Variants in LHFPL3 observed in about 807,000 individuals in gnomAD.
LHFPL3 encodes the protein LHFPL tetraspan subfamily member 3, also known as LHFPL tetraspan subfamily member 3 protein.
A neutral mutation model predicts 19.3 loss-of-function variants in LHFPL3; 5 were observed. The ratio of observed to expected loss-of-function variants is 0.26; its 90% CI spans 0.14 to 0.54. The LOEUF (loss-of-function observed/expected upper bound fraction) is 0.54. Among genes scored for constraint, LHFPL3 ranks in the 20% least tolerant of loss-of-function variants. The pLI, the probability that LHFPL3 is intolerant of heterozygous loss-of-function variation, is 0.94. For synonymous variants in LHFPL3, 133 were observed against 126.2 expected, an observed-to-expected ratio of 1.05 and a Z score of -0.36; for missense variants, 249 against 307.4, an observed-to-expected ratio of 0.81 and a Z score of 1.42.
At chr7:104,669,057 G>A in intron 1 of LHFPL3, 5 of 1,612,300 alleles carry the variant, frequency 3.1e-6, no homozygotes, top group East Asian at 2.2e-5. Flanking sequence ...ATGCATGAAG[G>A]AGAGAGAGTG....
intron 2 of LHFPL3, among the ~76,000 whole-genome samples, chr7:104,835,515 T>G (rs1258737801): frequency 6.6e-6 from 1 of 151,838 alleles, no homozygotes; most frequent in African/African-American, 2.4e-5. Context: ...ACCTACTATG[T>G]GCTAGGCACA....
chr7:104,738,017 A>G (rs1230011301), intron 2 of LHFPL3, among the ~76,000 whole-genome samples: 1 of 152,206 alleles, frequency 6.6e-6, no homozygotes, highest in Non-Finnish European at 1.5e-5. Flanking sequence ...AAACTATGAC[A>G]TAGAAATAGT....
intron 2 of LHFPL3, among the ~76,000 whole-genome samples, chr7:104,898,006 C>CTTTTTTTTTTTTT (rs71155536): frequency 1.7e-4 from 16 of 96,810 alleles, no homozygotes; most frequent in East Asian, 3.2e-4. Flanking sequence ...AATGTCACCC[C>CTTTTTTTTTTTTT]TTTTTTTTTT....
chr7:104,715,152 T>A (rs540661306), intron 1 of LHFPL3, among the ~76,000 whole-genome samples: 1 of 152,012 alleles, frequency 6.6e-6, no homozygotes, highest in Non-Finnish European at 1.5e-5. Flanking sequence ...AATAAAAAAA[T>A]AAGCTAGGAA....
chr7:104,639,510 A>T (rs139682837), intron 1 of LHFPL3, among the ~76,000 whole-genome samples: 83 of 152,250 alleles, frequency 5.5e-4, no homozygotes, highest in African/African-American at 1.9e-3. Flanking sequence ...ATACATCTTT[A>T]AAAAATGCCA....
At chr7:104,465,934 G>A (rs1401295389) in intron 1 of LHFPL3, among the ~76,000 whole-genome samples, 1 of 152,148 alleles carries the variant, frequency 6.6e-6, no homozygotes, top group Non-Finnish European at 1.5e-5. Flanking sequence ...TGATCTGAGG[G>A]TATGTTTGGT....
chr7:104,329,342 G>T (rs1801526278), intron 1 of LHFPL3, 118 bp downstream of exon 1: 3 of 1,340,228 alleles, frequency 2.2e-6, no homozygotes, highest in South Asian at 1.5e-5. Flanking sequence ...CGCCTAATCC[G>T]CTCAGGCGTC....
At chr7:104,747,964 G>A (rs990987193) in intron 2 of LHFPL3, among the ~76,000 whole-genome samples, 5 of 152,122 alleles carry the variant, frequency 3.3e-5, no homozygotes, top group Non-Finnish European at 5.9e-5. Context: ...CTGTGTCTGT[G>A]TAGAAAGAAG....
chr7:104,583,535 G>C (rs1790504319), intron 1 of LHFPL3, among the ~76,000 whole-genome samples: 1 of 152,154 alleles, frequency 6.6e-6, no homozygotes, highest in East Asian at 1.9e-4. Context: ...CCTACAGAAT[G>C]GGGTAAAATT....
At chr7:104,755,435 A>C (rs1794263931) in intron 2 of LHFPL3, among the ~76,000 whole-genome samples, 1 of 152,178 alleles carries the variant, frequency 6.6e-6, no homozygotes, top group African/African-American at 2.4e-5. Flanking sequence ...ATTGACTAGA[A>C]AAAGTGAACA....
At chr7:104,550,011 GTTAC>G (rs757154667) in intron 1 of LHFPL3, among the ~76,000 whole-genome samples, 3 of 152,110 alleles carry the variant, frequency 2.0e-5, no homozygotes, top group African/African-American at 7.2e-5. Context: ...GGCTCACACA[GTTAC>G]GGAGGCTGAA....
chr7:104,673,523 A>T (rs1012333563), intron 1 of LHFPL3, among the ~76,000 whole-genome samples: 4 of 152,216 alleles, frequency 2.6e-5, no homozygotes, highest in African/African-American at 7.2e-5. Context: ...GACTACATGA[A>T]ATCTGACCTC....
At chr7:104,394,926 C>A (rs2116480551) in intron 1 of LHFPL3, among the ~76,000 whole-genome samples, 1 of 152,052 alleles carries the variant, frequency 6.6e-6, no homozygotes, top group African/African-American at 2.4e-5. Context: ...GTCTCGAACT[C>A]CTGACTTTGT....
chr7:104,387,738 A>T (rs926394151), intron 1 of LHFPL3, among the ~76,000 whole-genome samples: 3 of 152,212 alleles, frequency 2.0e-5, no homozygotes, highest in Non-Finnish European at 4.4e-5. Flanking sequence ...AGTAGGATAA[A>T]CTCAGAAGTC....
intron 2 of LHFPL3, among the ~76,000 whole-genome samples, chr7:104,743,442 C>A (rs900311796): frequency 6.6e-6 from 1 of 152,188 alleles, no homozygotes; most frequent in Non-Finnish European, 1.5e-5. Context: ...AGCCCCTTAA[C>A]ATCTTAGAGC....
At chr7:104,834,704 C>T (rs1211802810) in intron 2 of LHFPL3, among the ~76,000 whole-genome samples, 1 of 151,994 alleles carries the variant, frequency 6.6e-6, no homozygotes, top group Non-Finnish European at 1.5e-5. Context: ...CAATTAAACA[C>T]ATGTGTGCAC....
intron 1 of LHFPL3, among the ~76,000 whole-genome samples, chr7:104,602,907 A>G: frequency 6.6e-6 from 1 of 152,148 alleles, no homozygotes; most frequent in Non-Finnish European, 1.5e-5. Flanking sequence ...CATCCATTTT[A>G]TCAGGAACAC....
intron 2 of LHFPL3, among the ~76,000 whole-genome samples, chr7:104,824,695 A>T (rs1441346108): frequency 4.1e-5 from 4 of 98,224 alleles, no homozygotes; most frequent in Non-Finnish European, 5.5e-5. Context: ...AATATATATT[A>T]TATATATTAT....
chr7:104,488,778 G>T (rs990236010), intron 1 of LHFPL3, among the ~76,000 whole-genome samples: 1 of 152,228 alleles, frequency 6.6e-6, no homozygotes, highest in Non-Finnish European at 1.5e-5. Flanking sequence ...GACGCAGCAT[G>T]TTGAGAATCC....
Sources: allele counts gnomAD v4.1 joint callset (sites outside exome capture counted in the v4.1 genomes callset), GRCh38; gene constraint gnomAD v4.1.1; transcripts MANE v1.5; gene names NCBI Gene and HGNC (gene_info 2026-07-23, HGNC 2026-07-21).